ARK2N: variants seen among roughly 807,000 people sequenced by gnomAD.
ARK2N encodes the protein arkadia (RNF111) N-terminal like PKA signaling regulator 2N, also known as protein ARK2N.
the ARK2N span, among the ~76,000 whole-genome samples, chr18:46,227,041 T>G: frequency 6.6e-6 from 1 of 152,146 alleles, no homozygotes; most frequent in Non-Finnish European, 1.5e-5. Context: ...ACTCCTGACC[T>G]CAGGTGATCC....
the ARK2N span, chr18:46,216,323 A>T: frequency 6.2e-7 from 1 of 1,614,066 alleles, no homozygotes. This position sits in a 1 kb window ranked among gnomAD's most constrained non-coding sequence, Gnocchi z 4.3. Context: ...TCTGAAAGTG[A>T]AACTTCCACT....
At chr18:46,254,173 C>G in the ARK2N span, among the ~76,000 whole-genome samples, 1 of 152,210 alleles carries the variant, frequency 6.6e-6, no homozygotes, top group Non-Finnish European at 1.5e-5. Context: ...TTGCCTTTCA[C>G]TTTACCTGGA....
the ARK2N span, among the ~76,000 whole-genome samples, chr18:46,196,138 G>A: frequency 8.6e-5 from 13 of 151,800 alleles, no homozygotes; most frequent in Admixed American, 5.9e-4. Flanking sequence ...GCGCCACCAC[G>A]CCCAGCTAAT....
At chr18:46,209,580 TAAC>T in the ARK2N span, among the ~76,000 whole-genome samples, 26 of 152,236 alleles carry the variant, frequency 1.7e-4, no homozygotes, top group Non-Finnish European at 3.1e-4. Context: ...TGTCCATAAT[TAAC>T]AACCTGTTTT....
At chr18:46,220,598 A>G in the ARK2N span, among the ~76,000 whole-genome samples, 7 of 152,320 alleles carry the variant, frequency 4.6e-5, no homozygotes, top group South Asian at 1.2e-3. Context: ...ATATATAACA[A>G]AATTTGTCTG....
At chr18:46,251,673 A>T in the ARK2N span, among the ~76,000 whole-genome samples, 1 of 152,246 alleles carries the variant, frequency 6.6e-6, no homozygotes, top group African/African-American at 2.4e-5. Flanking sequence ...ACATATTTTT[A>T]TAGTGTTATG....
the ARK2N span, chr18:46,215,767 A>G: frequency 9.4e-7 from 1 of 1,061,558 alleles, no homozygotes; most frequent in East Asian, 2.4e-5. Flanking sequence ...TGTTGACTAA[A>G]TAATCTGGCA....
At chr18:46,176,600 T>A in the ARK2N span, among the ~76,000 whole-genome samples, 1 of 151,624 alleles carries the variant, frequency 6.6e-6, no homozygotes, top group Admixed American at 6.6e-5. Flanking sequence ...GACCACAGGC[T>A]CACGCCACCA....
At chr18:46,237,867 A>G in the ARK2N span, among the ~76,000 whole-genome samples, 1 of 152,330 alleles carries the variant, frequency 6.6e-6, no homozygotes, top group African/African-American at 2.4e-5. Context: ...AATATATTGA[A>G]AATGAAAAAT....
At chr18:46,250,000 G>A in the ARK2N span, among the ~76,000 whole-genome samples, 37 of 145,570 alleles carry the variant, frequency 2.5e-4, no homozygotes, top group Admixed American at 1.5e-3. Context: ...CGCCCCCCTC[G>A]CCCCACCCCA....
At chr18:46,259,555 T>A in the ARK2N span, among the ~76,000 whole-genome samples, 2 of 152,004 alleles carry the variant, frequency 1.3e-5, no homozygotes, top group African/African-American at 4.8e-5. Flanking sequence ...CTGCACTACT[T>A]TCTAATTACA....
At chr18:46,197,444 G>C in the ARK2N span, among the ~76,000 whole-genome samples, 2 of 152,116 alleles carry the variant, frequency 1.3e-5, no homozygotes, top group Admixed American at 1.3e-4. Flanking sequence ...GTGTTGGCCA[G>C]GTTTGTCTCG....
chr18:46,230,948 G>A, the ARK2N span, among the ~76,000 whole-genome samples: 3 of 152,180 alleles, frequency 2.0e-5, no homozygotes, highest in South Asian at 2.1e-4. Context: ...TGCCTAGTTT[G>A]TGCTAGCTCA....
chr18:46,222,157 A>G, the ARK2N span, among the ~76,000 whole-genome samples: 6 of 152,216 alleles, frequency 3.9e-5, no homozygotes, highest in African/African-American at 1.4e-4. Flanking sequence ...CATCAGCTTT[A>G]AATGATTGAC....
the ARK2N span, among the ~76,000 whole-genome samples, chr18:46,209,308 T>TA: frequency 5.4e-5 from 8 of 149,226 alleles, no homozygotes; most frequent in South Asian, 1.7e-3. Context: ...TTTTTTTTTT[T>TA]ACAAACCCCC....
chr18:46,249,478 C>T, the ARK2N span, among the ~76,000 whole-genome samples: 24 of 151,382 alleles, frequency 1.6e-4, no homozygotes, highest in Admixed American at 1.3e-3. Context: ...GTGATCCACC[C>T]GCCTCGGCCT....
At chr18:46,203,609 T>G in the ARK2N span, among the ~76,000 whole-genome samples, 73 of 151,238 alleles carry the variant, frequency 4.8e-4, no homozygotes, top group Admixed American at 7.3e-4. Flanking sequence ...TTTCTTAAGG[T>G]TTTTTTTTGA....
the ARK2N span, among the ~76,000 whole-genome samples, chr18:46,229,648 G>A: frequency 0.65 from 97,536 of 150,062 alleles, 32,820 homozygotes; most frequent in Non-Finnish European, 0.74. Flanking sequence ...ATGAGGTCTC[G>A]CTCTATTGCC....
At chr18:46,175,589 A>C in the ARK2N span, among the ~76,000 whole-genome samples, 50 of 152,116 alleles carry the variant, frequency 3.3e-4, no homozygotes, top group African/African-American at 1.1e-3. Context: ...AAAAAAAAAA[A>C]AACACATGGT....
Sources: gnomAD v4.1 joint callset for allele counts (sites outside exome capture counted in the v4.1 genomes callset) on GRCh38, gnomAD v4.1.1 for gene constraint, Gnocchi (gnomAD v3.1) non-coding constraint, MANE v1.5 for transcripts, NCBI Gene and HGNC (gene_info 2026-07-23, HGNC 2026-07-21) for gene names.